The following CROCC2 variants were observed in gnomAD, a reference collection of about 807,000 sequenced individuals.
CROCC2 encodes the protein ciliary rootlet coiled-coil, rootletin family member 2, also known as ciliary rootlet coiled-coil protein 2.
A neutral mutation model predicts 177.6 loss-of-function variants in CROCC2; 163 were observed. The ratio of observed to expected loss-of-function variants is 0.92; its 90% CI spans 0.81 to 1.05. The LOEUF is 1.05. CROCC2 is among the 50% of genes least tolerant of loss of function. The pLI, the probability that CROCC2 is intolerant of heterozygous loss-of-function variation, is 0.00. For synonymous variants in CROCC2, 904 were observed against 787.3 expected (o/e 1.15, Z -2.48); for missense variants, 1,929 against 1,797.8 (o/e 1.07, Z -1.32).
chr2:240,916,094 G>C (rs982582628), intron 1 of CROCC2, among the ~76,000 whole-genome samples: 7 of 152,148 alleles, frequency 4.6e-5, no homozygotes, highest in Non-Finnish European at 1.0e-4. Context: ...AGAGTCCCTG[G>C]GAGGGGCCTG....
chr2:240,964,256 T>C (rs2059661607), intron 21 of CROCC2: 1 of 609,408 alleles, frequency 1.6e-6, no homozygotes, highest in Admixed American at 2.9e-5. Context: ...AAGAGGTGGA[T>C]AGTGGACAGG....
rs1559605408 is a variant in CROCC2, at chr2:240,960,330, T to TGG, written c.3087+887_3087+888insGG. ...GTGGGTTAGTGGAGATTTCGGGGTGTGCCTGGGCCTGGCCAAGGGCCCGAG... is the reference window on the plus strand; with the variant it reads ...GTGGGTTAGTGGAGATTTCGGGGTGTGGGCCTGGGCCTGGCCAAGGGCCCGAG... On this transcript the variant is annotated intron_variant, in intron 20 of 31. Coordinates refer to ENST00000690015, the MANE Select transcript of CROCC2 (RefSeq NM_001351305.2). The surrounding 1 kb of genome is among the most constrained non-coding windows in gnomAD (Gnocchi z 5.0). Among the ~76,000 whole-genome samples, 1 of 151,284 alleles carries TGG rather than the reference T, an allele frequency of 6.6e-6. No individual in the cohort carries two copies.
chr2:240,980,280 T>C (rs1574795363), intron 27 of CROCC2, among the ~76,000 whole-genome samples: 3 of 80,964 alleles, frequency 3.7e-5, no homozygotes, highest in African/African-American at 5.4e-5. Flanking sequence ...CCCAGGCTCA[T>C]CCCTGCTCAG....
In CROCC2 at chr2:240,967,342, C is replaced by A; in HGVS notation, c.4147-3C>A. 1.4e-6 allele frequency: 1 copy of A among 705,878 alleles called. No individual in the cohort carries two copies. Among genetic ancestry groups the A allele is most frequent in the Non-Finnish European group, 2.6e-6 (1 of 380,644 alleles). The allele number at this position is 705,878 out of a possible 1,614,324, so 43.7% of individuals were successfully genotyped here. A position where few individuals can be genotyped will look rare whatever the true frequency, so the allele number is the denominator to read the frequency against. On this transcript the variant is annotated splice_region_variant and splice_polypyrimidine_tract_variant and intron_variant, in intron 25 of 31. Coordinates refer to ENST00000690015, the MANE Select transcript of CROCC2 (RefSeq NM_001351305.2). Reference sequence around the variant, plus strand: ...CCCCGCTGACCTCAGTCCTTCTGCCCAGGATGACTCCCGCATCCAGATGGC... The same window carrying A: ...CCCCGCTGACCTCAGTCCTTCTGCCAAGGATGACTCCCGCATCCAGATGGC...
At chr2:240,987,060 C>G (rs937518183) in intron 28 of CROCC2, among the ~76,000 whole-genome samples, 8 of 152,254 alleles carry the variant, frequency 5.3e-5, no homozygotes, top group Non-Finnish European at 1.2e-4. Flanking sequence ...TAGGGCCAGC[C>G]AATGGGGTCC....
intron 1 of CROCC2, among the ~76,000 whole-genome samples, chr2:240,909,741 G>A (rs1359192110): frequency 2.6e-5 from 4 of 152,154 alleles, no homozygotes; most frequent in African/African-American, 7.2e-5. Context: ...TGCTCTGCCC[G>A]CCCTGCTGAC....
chr2:240,928,339 A>C (rs951017729), intron 5 of CROCC2, among the ~76,000 whole-genome samples: 2 of 152,156 alleles, frequency 1.3e-5, no homozygotes, highest in Non-Finnish European at 2.9e-5. Flanking sequence ...TCCACAAGGA[A>C]GACTTTTTTC....
chr2:240,961,587 C>T (rs1216629200), intron 20 of CROCC2, among the ~76,000 whole-genome samples: 1 of 28,680 alleles, frequency 3.5e-5, no homozygotes, highest in Non-Finnish European at 1.0e-4. Flanking sequence ...CACATACACT[C>T]ACACACACAC....
Position 240,935,347 on chromosome 2 carries a change from C to G in CROCC2, c.1939-11C>G. On this transcript the variant is annotated splice_polypyrimidine_tract_variant and intron_variant, in intron 13 of 31. Transcript: ENST00000690015. ...GGGAGTGGATGCAGAGCCCCCGACA[C>G]CTGGTGGCAGCTGGAGCAGGAGCGG... The G allele has an allele frequency of 7.4e-7, 1 of 1,355,642 alleles. No homozygotes were observed. The highest frequency in any genetic ancestry group is 9.5e-7 in the Non-Finnish European group (1 of 1,047,952). 84.0% of individuals were successfully genotyped at this position (1,355,642 alleles called of 1,614,324 possible).
chr2:240,944,257 T>C (rs1055734337), intron 14 of CROCC2, among the ~76,000 whole-genome samples: 3 of 152,254 alleles, frequency 2.0e-5, no homozygotes, highest in Non-Finnish European at 4.4e-5. Context: ...TTATCTTTGG[T>C]ATTCAGAAAC....
chr2:240,938,330 A>G (rs2059480953), intron 14 of CROCC2, among the ~76,000 whole-genome samples: 1 of 152,198 alleles, frequency 6.6e-6, no homozygotes, highest in African/African-American at 2.4e-5. Context: ...ATTTTTTTCA[A>G]GTCTCTCCTT....
At chr2:240,931,626 G>A (rs146946283) in intron 7 of CROCC2, among the ~76,000 whole-genome samples, 228 of 152,340 alleles carry the variant, frequency 1.5e-3, no homozygotes, top group Middle Eastern at 6.8e-3. Context: ...GTCTCTTGAG[G>A]GCAGCTTCAG....
chr2:240,936,354 C>T (rs1441965355), intron 14 of CROCC2, among the ~76,000 whole-genome samples: 1 of 152,128 alleles, frequency 6.6e-6, no homozygotes, highest in East Asian at 1.9e-4. Flanking sequence ...GCCCCCGGCT[C>T]CCACCCAGGT....
chr2:240,949,755 G>A lies in CROCC2; in HGVS notation c.2652+53G>A, dbSNP rs2059542794. 2 of 1,481,886 alleles carry A rather than the reference G, an allele frequency of 1.3e-6. No homozygotes were observed. The highest frequency in any genetic ancestry group is 2.5e-5 in the East Asian group (1 of 40,154). 91.8% of individuals were successfully genotyped at this position (1,481,886 alleles called of 1,614,324 possible). On this transcript the variant is annotated intron_variant, in intron 17 of 31. Transcript: ENST00000690015. This position sits in a 1 kb window ranked among gnomAD's most constrained non-coding sequence, Gnocchi z 4.5. ...CTTCCTAGAAGGCTACCAGGTCCCG[G>A]GGAATGGCAGGCCCTTGGGAGGAGG...
At chr2:240,964,087 G>A (rs190047855) in intron 21 of CROCC2, 59 of 542,556 alleles carry the variant, frequency 1.1e-4, no homozygotes, top group Middle Eastern at 4.9e-4. Context: ...GGAGGCCAAC[G>A]GCCTGGCTGG....
At chr2:240,947,867 G>A (rs905007920) in intron 15 of CROCC2, among the ~76,000 whole-genome samples, 12 of 152,202 alleles carry the variant, frequency 7.9e-5, no homozygotes, top group South Asian at 4.2e-4. Context: ...AGAGCACCCC[G>A]TGGTGGGCCA....
At position 240,951,570 on chromosome 2, in the gene CROCC2, A is replaced by C. The variant is rs185859268; in HGVS notation, c.2829+1060A>C. ...CATGCATCCACATTCGTAGCTGTCC[A>C]TCCACACACCTCACCATCCATGCAA... is the stretch of plus-strand genomic sequence containing the variant. On this transcript the variant is annotated intron_variant, in intron 18 of 31. Coordinates refer to ENST00000690015, the MANE Select transcript of CROCC2 (RefSeq NM_001351305.2). 5.1e-4 allele frequency among the ~76,000 whole-genome samples: 78 copies of C among 152,266 alleles called. 2 individuals are homozygous for C. In the East Asian group the frequency reaches 0.015, roughly 29 times the overall value.
chr2:240,916,474 C>T (rs58327170), intron 1 of CROCC2, among the ~76,000 whole-genome samples: 1,823 of 65,026 alleles, frequency 0.028, 157 homozygotes, highest in African/African-American at 0.12. Context: ...TCCCCCCGTG[C>T]CCCCGCGCCC....
chr2:240,926,545 G>A (rs2059396550), intron 5 of CROCC2, among the ~76,000 whole-genome samples: 2 of 152,140 alleles, frequency 1.3e-5, no homozygotes, highest in Admixed American at 1.3e-4. Context: ...CCCAGCCCCT[G>A]CATGCTATGG....
Sources: gnomAD v4.1 joint callset for allele counts (sites outside exome capture counted in the v4.1 genomes callset) on GRCh38, gnomAD v4.1.1 for gene constraint, Gnocchi (gnomAD v3.1) non-coding constraint, MANE v1.5 for transcripts, NCBI Gene and HGNC (gene_info 2026-07-23, HGNC 2026-07-21) for gene names.